The following MRAP2 variants were observed in gnomAD, a reference collection of about 807,000 sequenced individuals.
MRAP2 encodes melanocortin-2 receptor accessory protein 2.
MRAP2 carries 20 observed loss-of-function variants against 17.4 expected under a neutral mutation model. The ratio of observed to expected loss-of-function variants is 1.15; its 90% CI spans 0.81 to 1.67. MRAP2 has a LOEUF of 1.67. MRAP2 is among the 40% of genes most tolerant of loss of function. MRAP2 has a pLI of 0.00. For synonymous variants in MRAP2, 96 were observed against 88.4 expected (o/e 1.09, Z -0.48); for missense variants, 238 against 240.0 (o/e 0.99, Z 0.05).
chr6:84,135,596 C>T, the MRAP2 span, among the ~76,000 whole-genome samples: 1 of 151,888 alleles, frequency 6.6e-6, no homozygotes, highest in African/African-American at 2.4e-5. Flanking sequence ...GTCGTGGTGG[C>T]TCACGCCTGT....
At chr6:84,034,601 G>C (rs961028955) in intron 1 of MRAP2, among the ~76,000 whole-genome samples, 1 of 151,396 alleles carries the variant, frequency 6.6e-6, no homozygotes, top group East Asian at 2.0e-4. Flanking sequence ...CTGTTTGGAG[G>C]CGTTGTGGTT....
chr6:84,131,775 T>A, the MRAP2 span, among the ~76,000 whole-genome samples: 63 of 152,294 alleles, frequency 4.1e-4, no homozygotes, highest in African/African-American at 1.5e-3. Flanking sequence ...AGCACACTGA[T>A]GGGTTTTGAC....
At chr6:84,074,451 A>C (rs1255841749) in intron 3 of MRAP2, among the ~76,000 whole-genome samples, 5 of 152,250 alleles carry the variant, frequency 3.3e-5, no homozygotes, top group Admixed American at 1.3e-4. Context: ...CTGCAAGCTC[A>C]GAATGGACTG....
chr6:84,143,592 CA>C, the MRAP2 span, among the ~76,000 whole-genome samples: 2 of 151,132 alleles, frequency 1.3e-5, no homozygotes, highest in Admixed American at 1.3e-4. Context: ...GAACGAAGAA[CA>C]AAAAAATGAA....
At chr6:84,097,440 A>C in the MRAP2 span, among the ~76,000 whole-genome samples, 26 of 152,160 alleles carry the variant, frequency 1.7e-4, no homozygotes, top group Admixed American at 1.6e-3. Flanking sequence ...ATTTTATCCA[A>C]CATTACTAAA....
Position 84,089,134 on chromosome 6 carries a change from G to C in MRAP2, c.271G>C (p.Val91Leu). The change falls in exon 4 of 4, where the codon GTG (valine) becomes CTG (leucine). Residue 91 changes from valine (V) to leucine (L), a missense_variant. Val to Leu is a conservative substitution (Grantham distance 32). Coordinates refer to ENST00000257776, the MANE Select transcript of MRAP2 (RefSeq NM_138409.4). ...SEKRFRMNSF[V>L]SDFGRPLEPD... ...GAAGAGATTCAGAATGAACAGCTTT[G>C]TGTCAGACTTTGGAAGACCTCTGGA... 6.2e-7 allele frequency: 1 copy of C among 1,614,146 alleles called. No homozygotes were observed.
At chr6:84,035,307 A>G (rs1262549525) in intron 1 of MRAP2, 8 of 461,890 alleles carry the variant, frequency 1.7e-5, no homozygotes, top group Non-Finnish European at 2.0e-5. Context: ...AAAGAGGGAA[A>G]CATTGAATCC....
chr6:84,051,865 G>A (rs557183760), intron 1 of MRAP2, among the ~76,000 whole-genome samples: 23 of 152,238 alleles, frequency 1.5e-4, no homozygotes, highest in Admixed American at 3.9e-4. Context: ...TTTAATGAGA[G>A]GTGTCTGGGC....
Position 84,089,843 on chromosome 6 carries a change from G to A in MRAP2, c.*362G>A, listed in dbSNP as rs2497130. On this transcript the variant is annotated 3_prime_UTR_variant, in exon 4 of 4. Coordinates refer to ENST00000257776, the MANE Select transcript of MRAP2 (RefSeq NM_138409.4). ...TTTTTTGCTATTTTTTTTAAAGCTCGTCAGCTATCGTTAGTGTTAGTGTAC... is the reference window on the plus strand; with the variant it reads ...TTTTTTGCTATTTTTTTTAAAGCTCATCAGCTATCGTTAGTGTTAGTGTAC... 32,758 of 187,890 alleles carry A rather than the reference G, an allele frequency of 0.17. 6,459 individuals are homozygous for A. The highest frequency in any genetic ancestry group is 0.53 in the African/African-American group (22,205 of 42,112). 11.6% of individuals were successfully genotyped at this position (187,890 alleles called of 1,614,324 possible).
At chr6:84,085,785 C>T (rs2099500291) in intron 3 of MRAP2, among the ~76,000 whole-genome samples, 1 of 152,166 alleles carries the variant, frequency 6.6e-6, no homozygotes, top group Non-Finnish European at 1.5e-5. Flanking sequence ...GAGTACTCTC[C>T]ACAAGGACAC....
downstream of MRAP2, among the ~76,000 whole-genome samples, chr6:84,092,561 A>G (rs2129177586): frequency 1.3e-5 from 2 of 152,288 alleles, no homozygotes; most frequent in Middle Eastern, 6.8e-3. Context: ...GACCTGTAAA[A>G]CTAGAAAATA....
chr6:84,104,853 G>A, the MRAP2 span, among the ~76,000 whole-genome samples: 3 of 151,994 alleles, frequency 2.0e-5, no homozygotes, highest in African/African-American at 7.3e-5. Flanking sequence ...GGGCTACAGA[G>A]CAAGACTCCG....
At chr6:84,074,068 C>T (rs1447067785) in intron 3 of MRAP2, among the ~76,000 whole-genome samples, 1 of 152,110 alleles carries the variant, frequency 6.6e-6, no homozygotes, top group Non-Finnish European at 1.5e-5. Context: ...GAGCATCCCT[C>T]AGTAAAGATG....
At chr6:84,111,635 A>G in the MRAP2 span, among the ~76,000 whole-genome samples, 2 of 152,192 alleles carry the variant, frequency 1.3e-5, no homozygotes, top group African/African-American at 4.8e-5. Flanking sequence ...AACTTCCAAT[A>G]CTGTGTTGAA....
At chr6:84,092,094 A>G (rs2099501863), downstream of MRAP2, among the ~76,000 whole-genome samples, 1 of 150,290 alleles carries the variant, frequency 6.7e-6, no homozygotes, top group African/African-American at 2.4e-5. Flanking sequence ...GGTTGCTCCC[A>G]CTCTGTGGCT....
the MRAP2 span, among the ~76,000 whole-genome samples, chr6:84,103,991 A>G: frequency 6.6e-5 from 10 of 152,342 alleles, no homozygotes; most frequent in South Asian, 2.1e-4. Context: ...ATTTTATTCT[A>G]CTAAAGAAAC....
rs1329746452 is a variant in MRAP2, at chr6:84,089,488, T to G, written c.*7T>G. 3.1e-6 allele frequency: 5 copies of G among 1,609,176 alleles called. No homozygotes were observed. The highest frequency in any genetic ancestry group is 3.3e-5 in the Admixed American group (2 of 59,736). The stretch of plus-strand genomic sequence containing the variant: ...ACACAAAGACCTGGATTGAGAAACA[T>G]GCTCTGTAAAGGGTCTTCCTGAAGA... On this transcript the variant is annotated 3_prime_UTR_variant, in exon 4 of 4. Transcript: ENST00000257776.
At position 84,036,615 on chromosome 6, in the gene MRAP2, CA is replaced by C. The variant is rs1179133367; in HGVS notation, c.-8+2734del. On this transcript the variant is annotated intron_variant, in intron 1 of 3. Coordinates refer to ENST00000257776, the MANE Select transcript of MRAP2 (RefSeq NM_138409.4). ...TGCAGACCCAAAGAGTGAGCAGCAGCAAGATTTATTGCAAAGAGGGAAAGAC... is the reference window on the plus strand; with the variant it reads ...TGCAGACCCAAAGAGTGAGCAGCAGCAGATTTATTGCAAAGAGGGAAAGAC... Among the ~76,000 whole-genome samples, 4 of 152,204 alleles carry C rather than the reference CA, an allele frequency of 2.6e-5. No individual in the cohort carries two copies. The East Asian group carries it at 7.7e-4, about 29-fold the overall frequency.
At chr6:84,109,296 A>C in the MRAP2 span, among the ~76,000 whole-genome samples, 1 of 152,154 alleles carries the variant, frequency 6.6e-6, no homozygotes, top group South Asian at 2.1e-4. Context: ...GATTCCTCCT[A>C]TCCGTGAGCA....
Sources: gnomAD v4.1 joint callset for allele counts (sites outside exome capture counted in the v4.1 genomes callset) on GRCh38, gnomAD v4.1.1 for gene constraint, MANE v1.5 for transcripts, NCBI Gene and HGNC (gene_info 2026-07-23, HGNC 2026-07-21) for gene names.